Variants in SEPTIN10 observed in about 807,000 individuals in gnomAD.
SEPTIN10 encodes septin 10.
In SEPTIN10, 66 loss-of-function variants were observed where a neutral mutation model predicts 54.8. That is an observed-to-expected ratio of 1.21 (90% confidence interval 0.99 to 1.48). The LOEUF is 1.48. SEPTIN10 is among the 40% of genes most tolerant of loss of function. The pLI, the probability that SEPTIN10 is intolerant of heterozygous loss-of-function variation, is 0.00. For missense variants in SEPTIN10, 620 were observed against 545.6 expected (o/e 1.14, Z -1.36); for synonymous variants, 161 against 181.0 (o/e 0.89, Z 0.89).
intron 8 of SEPTIN10, among the ~76,000 whole-genome samples, chr2:109,555,925 G>A (rs920662759): frequency 6.6e-6 from 1 of 152,114 alleles, no homozygotes; most frequent in African/African-American, 2.4e-5. Flanking sequence ...TCCCCAGTTA[G>A]AATTAACTGT....
In SEPTIN10 at chr2:109,546,184, C is replaced by G; in HGVS notation, c.1215G>C (p.Lys405Asn). The change falls in exon 10 of 11, where the codon AAG becomes AAC. Residue 405 changes from lysine (K) to asparagine (N), a missense_variant. Lys to Asn is a moderately conservative substitution (Grantham distance 94, BLOSUM62 0). Coordinates refer to ENST00000397712, the MANE Select transcript of SEPTIN10 (RefSeq NM_144710.5). ...CCAAAAGTCTTCTCTTTTCTTCAAG[C>G]TTCATTCTCTCTTCTTGGTGAAGTC... ...LKRLHQEERM[K>N]LEEKRRLLEE... 1 of 1,606,244 alleles carries G rather than the reference C, an allele frequency of 6.2e-7. No individual in the cohort carries two copies. The highest frequency in any genetic ancestry group is 8.5e-7 in the Non-Finnish European group (1 of 1,177,150).
At chr2:109,545,034 T>C in intron 10 of SEPTIN10, 1 of 985,438 alleles carries the variant, frequency 1.0e-6, no homozygotes, top group South Asian at 4.7e-5. Flanking sequence ...AAGCCACCAA[T>C]GGGCCAAGGT....
chr2:109,613,271 T>C (rs1218095641), intron 1 of SEPTIN10: 1 of 905,000 alleles, frequency 1.1e-6, no homozygotes, highest in Non-Finnish European at 1.5e-6. Flanking sequence ...TCTTTTAGAG[T>C]ACAAAAGAGT....
In SEPTIN10 at chr2:109,546,176, T is replaced by A; in HGVS notation, c.1223A>T (p.Glu408Val). ...TTCTTCTTCCAAAAGTCTTCTCTTT[T>A]CTTCAAGCTTCATTCTCTCTTCTTG... ...LHQEERMKLE[E>V]KRRLLEEEII... is the part of the protein sequence containing the mutation. The change falls in exon 10 of 11, where the codon GAA (glutamate) becomes GTA (valine). Residue 408 changes from glutamate (E) to valine (V), a missense_variant. Transcript: ENST00000397712. 6.2e-7 allele frequency: 1 copy of A among 1,609,094 alleles called. No homozygotes were observed. The highest frequency in any genetic ancestry group is 8.5e-7 in the Non-Finnish European group (1 of 1,178,206).
intron 6 of SEPTIN10, among the ~76,000 whole-genome samples, chr2:109,567,109 TGAAAG>T (rs1687211139): frequency 6.6e-6 from 1 of 152,180 alleles, no homozygotes; most frequent in African/African-American, 2.4e-5. Context: ...GAACAATTAT[TGAAAG>T]TCACTGTTAG....
intron 2 of SEPTIN10, among the ~76,000 whole-genome samples, chr2:109,590,078 ATATGTATATATATACACACATATATATG>A (rs1346301552): frequency 4.7e-4 from 69 of 147,652 alleles, no homozygotes; most frequent in African/African-American, 1.4e-3. Flanking sequence ...ACACACATAT[ATATGTATATATATACACACATATATATG>A]TATGTATATA....
At chr2:109,568,030 T>G in intron 5 of SEPTIN10, 54 bp from the exon 6 acceptor site, 1 of 1,374,046 alleles carries the variant, frequency 7.3e-7, no homozygotes, top group Admixed American at 2.3e-5. Flanking sequence ...TTTTTAATCC[T>G]GCAGCTGTTT....
rs572452611 is a variant in SEPTIN10, at chr2:109,559,174, C to G, written c.1028+5192G>C. Reference sequence around the variant, plus strand: ...GTACTGAAATTACAGGCATAAGCCACCACGCCTGGCCAGATATAACTTCTT... The same window carrying G: ...GTACTGAAATTACAGGCATAAGCCAGCACGCCTGGCCAGATATAACTTCTT... On this transcript the variant is annotated intron_variant, in intron 8 of 10. Coordinates refer to ENST00000397712, the MANE Select transcript of SEPTIN10 (RefSeq NM_144710.5). 3.9e-5 allele frequency among the ~76,000 whole-genome samples: 6 copies of G among 152,318 alleles called. 1 individual carries two copies. The highest frequency in any genetic ancestry group is 1.4e-4 in the African/African-American group (6 of 41,568).
chr2:109,552,793 A>C, intron 9 of SEPTIN10: 2 of 287,406 alleles, frequency 7.0e-6, no homozygotes, highest in Non-Finnish European at 6.4e-6. Context: ...ATTTCATGAA[A>C]GAAAAATGTG....
At chr2:109,578,698 CGGTGGTTACA>C (rs1368424314) in intron 4 of SEPTIN10, among the ~76,000 whole-genome samples, 1 of 151,562 alleles carries the variant, frequency 6.6e-6, no homozygotes, top group Admixed American at 6.6e-5. Flanking sequence ...ACCTGGGAGG[CGGTGGTTACA>C]GTGAACCGAG....
chr2:109,579,462 C>A (rs35834900), intron 4 of SEPTIN10, among the ~76,000 whole-genome samples: 4,749 of 151,356 alleles, frequency 0.031, 101 homozygotes, highest in Non-Finnish European at 0.044. Flanking sequence ...TGGCTCACTG[C>A]AAACTCTGCC....
At chr2:109,545,738 T>G in intron 10 of SEPTIN10, 1 of 1,430,100 alleles carries the variant, frequency 7.0e-7, no homozygotes, top group East Asian at 2.5e-5. Context: ...GGGCCACGGC[T>G]GGGCTATTCA....
intron 1 of SEPTIN10, among the ~76,000 whole-genome samples, chr2:109,604,363 G>T (rs1374607750): frequency 2.8e-5 from 2 of 71,778 alleles, no homozygotes; most frequent in Non-Finnish European, 5.4e-5. Flanking sequence ...GAAAAAGAAA[G>T]AAAGGAAAGA....
At chr2:109,558,086 C>T (rs1002577834) in intron 8 of SEPTIN10, among the ~76,000 whole-genome samples, 1 of 152,156 alleles carries the variant, frequency 6.6e-6, no homozygotes, top group Non-Finnish European at 1.5e-5. Flanking sequence ...ACGACTGCAC[C>T]TGGCCTGACA....
At chr2:109,567,403 A>G (rs1206196054) in intron 6 of SEPTIN10, among the ~76,000 whole-genome samples, 1 of 152,196 alleles carries the variant, frequency 6.6e-6, no homozygotes, top group African/African-American at 2.4e-5. Flanking sequence ...TATGAGAGAG[A>G]AGGAGCATAA....
At chr2:109,607,319 G>A (rs935547134) in intron 1 of SEPTIN10, among the ~76,000 whole-genome samples, 3 of 152,226 alleles carry the variant, frequency 2.0e-5, no homozygotes, top group Admixed American at 2.0e-4. Context: ...AATGTACAGA[G>A]TATTTAGTCT....
chr2:109,580,797 CCT>C (rs1424543418), intron 4 of SEPTIN10, among the ~76,000 whole-genome samples: 2 of 152,132 alleles, frequency 1.3e-5, no homozygotes, highest in African/African-American at 2.4e-5. Context: ...AAATAAATGC[CCT>C]CTTTTATGAG....
At chr2:109,561,205 G>C (rs1685573699) in intron 8 of SEPTIN10, among the ~76,000 whole-genome samples, 1 of 152,060 alleles carries the variant, frequency 6.6e-6, no homozygotes, top group Non-Finnish European at 1.5e-5. Context: ...TTCTTCCGGA[G>C]TCTTACAGAT....
intron 9 of SEPTIN10, 163 bp downstream of exon 9, chr2:109,552,924 C>T: frequency 1.3e-6 from 1 of 754,770 alleles, no homozygotes; most frequent in Non-Finnish European, 2.1e-6. Context: ...TAATTTCAGG[C>T]TATGATTCTA....
Sources: gnomAD v4.1 joint callset for allele counts (sites outside exome capture counted in the v4.1 genomes callset) on GRCh38, gnomAD v4.1.1 for gene constraint, MANE v1.5 for transcripts, NCBI Gene and HGNC (gene_info 2026-07-23, HGNC 2026-07-21) for gene names.